SUPV3L1: variants seen among roughly 807,000 people sequenced by gnomAD.
The protein encoded by SUPV3L1 is ATP-dependent RNA helicase SUPV3L1, mitochondrial.
A neutral mutation model predicts 70.0 loss-of-function variants in SUPV3L1; 35 were observed. The observed-to-expected ratio is 0.50, with a 90% confidence interval of 0.38 to 0.66. The LOEUF is 0.66. Among genes scored for constraint, SUPV3L1 ranks in the 30% least tolerant of loss-of-function variants. SUPV3L1 has a pLI of 0.00. For synonymous variants in SUPV3L1, 364 were observed against 341.9 expected, an observed-to-expected ratio of 1.06 and a Z score of -0.71; for missense variants, 777 against 961.5, an observed-to-expected ratio of 0.81 and a Z score of 2.54.
intron 5 of SUPV3L1, among the ~76,000 whole-genome samples, chr10:69,190,964 T>C (rs1348145601): frequency 1.3e-5 from 2 of 151,772 alleles, no homozygotes; most frequent in Non-Finnish European, 2.9e-5. Context: ...GCATTAATGT[T>C]GGTCCCTCTC....
At chr10:69,194,472 C>T (rs1842484010) in intron 6 of SUPV3L1, among the ~76,000 whole-genome samples, 2 of 152,124 alleles carry the variant, frequency 1.3e-5, no homozygotes, top group Admixed American at 1.3e-4. Flanking sequence ...CTGCCTCAGC[C>T]TCCAGAGTAG....
rs753775605 is a variant in SUPV3L1, at chr10:69,191,725, A to G, written c.812A>G (p.His271Arg). Residue 271 changes from histidine (H) to arginine (R), a missense_variant, in exon 6 of 15, where the codon CAT becomes CGT. This residue lies in a region of SUPV3L1 where 619 missense variants were observed against 823.3 expected (regional missense o/e 0.75). Transcript: ENST00000359655. ...CAGCCAAATGGGAAACAGGCTTCACATGTTTCTTGTACAGTTGAGATGTGC... is the reference window on the plus strand; with the variant it reads ...CAGCCAAATGGGAAACAGGCTTCACGTGTTTCTTGTACAGTTGAGATGTGC... ...TVQPNGKQAS[H>R]VSCTVEMCSV... The G allele has an allele frequency of 1.2e-6, 2 of 1,613,944 alleles. No individual in the cohort carries two copies. The highest frequency in any genetic ancestry group is 1.7e-6 in the Non-Finnish European group (2 of 1,179,944).
chr10:69,207,681 A>G (rs1349380221), intron 13 of SUPV3L1, 112 bp from the exon 14 acceptor site: 7 of 1,294,802 alleles, frequency 5.4e-6, no homozygotes, highest in Admixed American at 2.8e-5. Flanking sequence ...CCACCTGTCT[A>G]TTGAAATACA....
chr10:69,181,721 TGAA>T (rs904765676), intron 1 of SUPV3L1, among the ~76,000 whole-genome samples: 12 of 152,130 alleles, frequency 7.9e-5, no homozygotes, highest in Non-Finnish European at 1.3e-4. Context: ...GAAAGGGGGC[TGAA>T]CTTATCCTTT....
At chr10:69,180,633 A>G in intron 1 of SUPV3L1, 71 bp downstream of exon 1, 1 of 1,569,590 alleles carries the variant, frequency 6.4e-7, no homozygotes, top group Non-Finnish European at 8.6e-7. Flanking sequence ...GGAGGAAGCT[A>G]CATCCCCTTC....
intron 5 of SUPV3L1, among the ~76,000 whole-genome samples, chr10:69,191,232 ATT>A (rs11434528): frequency 4.6e-5 from 6 of 130,140 alleles, no homozygotes; most frequent in African/African-American, 1.4e-4. Context: ...AGCATTGGGA[ATT>A]TTTTTTTTTT....
chr10:69,201,596 A>G (rs1842681590), intron 11 of SUPV3L1, among the ~76,000 whole-genome samples: 1 of 148,300 alleles, frequency 6.7e-6, no homozygotes, highest in Non-Finnish European at 1.5e-5. Context: ...GTGCTGTGGC[A>G]TGATCACGGC....
At chr10:69,187,365 T>TTTTTTTTTC (rs1235816061) in intron 3 of SUPV3L1, 1 of 153,784 alleles carries the variant, frequency 6.5e-6, no homozygotes. Flanking sequence ...TTTTTTTTTT[T>TTTTTTTTTC]TGTGACACGG....
intron 3 of SUPV3L1, 136 bp downstream of exon 3, chr10:69,186,686 T>C: frequency 1.4e-6 from 1 of 692,898 alleles, no homozygotes; most frequent in Non-Finnish European, 2.4e-6. Context: ...AATTCAGTGC[T>C]TTCACAGGAT....
At chr10:69,200,584 C>A in intron 11 of SUPV3L1, 85 bp downstream of exon 11, 1 of 1,179,336 alleles carries the variant, frequency 8.5e-7, no homozygotes, top group Non-Finnish European at 1.2e-6. Flanking sequence ...TCACCTCAGA[C>A]ACATTTCTGG....
In SUPV3L1 at chr10:69,180,329, C is replaced by T. The variant is rs773002459; in HGVS notation, c.38C>T (p.Pro13Leu). The change falls in exon 1 of 15, where the codon CCG (proline) becomes CTG (leucine). Residue 13 changes from proline to leucine, a missense_variant. Pro to Leu is a moderately conservative substitution (Grantham distance 98). Transcript: ENST00000359655. Reference protein sequence around the residue: ...FSRALLWARLPAGRQAGHRAA... With the variant: ...FSRALLWARLLAGRQAGHRAA... ...CGTGCCCTATTGTGGGCTCGGCTCCCGGCGGGGCGCCAGGCTGGCCACCGG... is the reference window on the plus strand; with the variant it reads ...CGTGCCCTATTGTGGGCTCGGCTCCTGGCGGGGCGCCAGGCTGGCCACCGG... The T allele has an allele frequency of 1.7e-5, 28 of 1,613,884 alleles. No individual in the cohort carries two copies. The highest frequency in any genetic ancestry group is 2.2e-5 in the Non-Finnish European group (26 of 1,180,000).
chr10:69,183,279 G>T (rs949919405), intron 1 of SUPV3L1, among the ~76,000 whole-genome samples: 3 of 152,178 alleles, frequency 2.0e-5, no homozygotes, highest in Admixed American at 6.6e-5. Flanking sequence ...AGTCTAAATT[G>T]CCAGCTTCCA....
intron 6 of SUPV3L1, among the ~76,000 whole-genome samples, chr10:69,194,153 A>G (rs1342977838): frequency 6.6e-6 from 1 of 152,144 alleles, no homozygotes; most frequent in Non-Finnish European, 1.5e-5. Flanking sequence ...TTAGATTGCA[A>G]AAAAACAGGA....
intron 1 of SUPV3L1, among the ~76,000 whole-genome samples, chr10:69,184,780 G>A (rs779669059): frequency 3.9e-5 from 6 of 152,142 alleles, no homozygotes; most frequent in Non-Finnish European, 8.8e-5. Context: ...TGAGTGTTGT[G>A]TGTGTTGGAC....
chr10:69,188,864 ACT>A (rs561352820), intron 4 of SUPV3L1, among the ~76,000 whole-genome samples: 82 of 151,510 alleles, frequency 5.4e-4, no homozygotes, highest in African/African-American at 1.8e-3. Context: ...GAGGTAGAAG[ACT>A]CTGTTATTAT....
intron 6 of SUPV3L1, among the ~76,000 whole-genome samples, chr10:69,194,824 C>CA (rs1842495105): frequency 6.7e-6 from 1 of 150,286 alleles, no homozygotes; most frequent in African/African-American, 2.4e-5. Flanking sequence ...AACAGTGAGA[C>CA]CCTGTATCTA....
chr10:69,200,267 A>T lies in SUPV3L1; in HGVS notation c.1299-13A>T, dbSNP rs377731377. 6.2e-7 allele frequency: 1 copy of T among 1,607,948 alleles called. No homozygotes were observed. The highest frequency in any genetic ancestry group is 1.3e-5 in the African/African-American group (1 of 74,664). On this transcript the variant is annotated splice_polypyrimidine_tract_variant and intron_variant, in intron 10 of 14. Coordinates refer to ENST00000359655, the MANE Select transcript of SUPV3L1 (RefSeq NM_003171.5). ...TCATACAGTCTGCAGGATCACTTTT[A>T]TTTCTGTTTCAGGAGCATAAGGAGA... is the stretch of plus-strand genomic sequence containing the variant.
At chr10:69,202,371 C>T in intron 11 of SUPV3L1, 68 bp from the exon 12 acceptor site, 2 of 1,435,656 alleles carry the variant, frequency 1.4e-6, no homozygotes, top group Admixed American at 1.9e-5. Flanking sequence ...CGTGCAATAA[C>T]TTAAGAAAAT....
chr10:69,192,588 T>C (rs761572782), intron 6 of SUPV3L1: 12 of 152,230 alleles, frequency 7.9e-5, no homozygotes, highest in Non-Finnish European at 1.3e-4. Context: ...ATTTAAACTG[T>C]TTTATAGTAT....
Sources: allele counts gnomAD v4.1 joint callset (sites outside exome capture counted in the v4.1 genomes callset), GRCh38; gene constraint gnomAD v4.1.1; regional missense constraint gnomAD v4.1.1; transcripts MANE v1.5; gene names NCBI Gene and HGNC (gene_info 2026-07-23, HGNC 2026-07-21).